ATP2B3: variants seen among roughly 807,000 people sequenced by gnomAD.
The protein encoded by ATP2B3 is plasma membrane calcium-transporting ATPase 3.
A neutral mutation model predicts 70.8 loss-of-function variants in ATP2B3; 12 were observed. The ratio of observed to expected loss-of-function variants is 0.17; its 90% CI spans 0.11 to 0.27. The LOEUF (loss-of-function observed/expected upper bound fraction) is 0.27. ATP2B3 is among the 10% of genes least tolerant of loss of function. The pLI is 1.00. For synonymous variants in ATP2B3, 460 were observed against 497.8 expected, an observed-to-expected ratio of 0.92 and a Z score of 1.01; for missense variants, 858 against 1,118.5, an observed-to-expected ratio of 0.77 and a Z score of 3.32.
intron 20 of ATP2B3, among the ~76,000 whole-genome samples, chrX:153,564,421 G>A (rs868941083): frequency 8.9e-6 from 1 of 112,675 alleles, no homozygotes; most frequent in Non-Finnish European, 1.9e-5. Flanking sequence ...TGTAGCCTAC[G>A]GGGCACGGTC....
chrX:153,568,151 G>A (rs1288712930), intron 21 of ATP2B3, among the ~76,000 whole-genome samples: 2 of 111,932 alleles, frequency 1.8e-5, no homozygotes, highest in African/African-American at 3.3e-5. Flanking sequence ...ACATATCAAC[G>A]CACCAGATGG....
chrX:153,549,198 T>TGTGGGGTG (rs1233863392), intron 10 of ATP2B3, among the ~76,000 whole-genome samples: 27 of 9,584 alleles, frequency 2.8e-3, no homozygotes, highest in African/African-American at 7.7e-3. Context: ...GGGAGCCAGG[T>TGTGGGGTG]GTGGGGTGGT....
Position 153,564,905 on chromosome X carries a change from C to A in ATP2B3, c.3160-16C>A. On this transcript the variant is annotated splice_polypyrimidine_tract_variant and intron_variant, in intron 20 of 21. Coordinates refer to ENST00000263519, the MANE Select transcript of ATP2B3 (RefSeq NM_001001344.3). The stretch of plus-strand genomic sequence containing the variant: ...TCAGCCTGGCTCTCACGGCCACTTC[C>A]GTGTGGCTCCCCCAGGTCATTGCCA... The A allele has an allele frequency of 8.6e-7, 1 of 1,168,390 alleles. No homozygotes were observed. Among genetic ancestry groups the A allele is most frequent in the East Asian group, 3.1e-5 (1 of 32,066 alleles).
intron 21 of ATP2B3, chrX:153,569,946 G>A (rs1603121726): frequency 6.3e-6 from 3 of 473,934 alleles, no homozygotes; most frequent in East Asian, 7.6e-5. Context: ...TTTATGAAAC[G>A]TATTCAACCC....
chrX:153,559,045 G>C (rs993642242), intron 17 of ATP2B3, among the ~76,000 whole-genome samples: 1 of 1,544 alleles, frequency 6.5e-4, no homozygotes, highest in Non-Finnish European at 0.011. Flanking sequence ...TTTTTAAATT[G>C]AGATAAAAAA....
chrX:153,529,071 C>G (rs1260523758), intron 2 of ATP2B3, among the ~76,000 whole-genome samples: 1 of 112,820 alleles, frequency 8.9e-6, no homozygotes, highest in East Asian at 2.8e-4. Flanking sequence ...CCTCAAGACA[C>G]ATTTGAGAAG....
At chrX:153,537,098 C>T (rs782065480) in intron 3 of ATP2B3, among the ~76,000 whole-genome samples, 2 of 112,919 alleles carry the variant, frequency 1.8e-5, no homozygotes, top group African/African-American at 6.4e-5. Context: ...CTAGAAAGCC[C>T]GGTGAGCACT....
At chrX:153,565,852 C>A (rs1603113727) in intron 21 of ATP2B3, among the ~76,000 whole-genome samples, 2 of 112,727 alleles carry the variant, frequency 1.8e-5, no homozygotes, top group Non-Finnish European at 3.8e-5. Context: ...AGAAACGGCG[C>A]TCGCCTAGGC....
intron 12 of ATP2B3, among the ~76,000 whole-genome samples, chrX:153,552,236 T>C (rs1557011789): frequency 8.9e-6 from 1 of 112,720 alleles, no homozygotes; most frequent in East Asian, 2.8e-4. Context: ...CCTGGTGGCA[T>C]GGAGATCACA....
chrX:153,525,043 AG>A (rs782096187), intron 2 of ATP2B3, among the ~76,000 whole-genome samples: 11 of 111,953 alleles, frequency 9.8e-5, no homozygotes, highest in Non-Finnish European at 2.1e-4. Context: ...TCCTGAGTGA[AG>A]GCCCCCAGCT....
rs141987032 is a variant in ATP2B3 at position 153,541,507 on chromosome X, C to T, written c.357C>T (p.Ile119=). The T allele has an allele frequency of 5.5e-5, 67 of 1,209,909 alleles. No individual in the cohort carries two copies. Among genetic ancestry groups the T allele is most frequent in the Non-Finnish European group, 7.4e-5 (66 of 895,192 alleles). ...TCATCATCCTGGAGGTGGCTGCCAT[C>T]GTCTCTCTGGGCCTCTCGTTCTATG... ...VTLIILEVAA[I]VSLGLSFYAP... is the part of the protein sequence containing the mutation. Residue 119 remains isoleucine (I), a synonymous_variant, in exon 4 of 22, where the codon ATC becomes ATT. Transcript: ENST00000263519.
intron 21 of ATP2B3, among the ~76,000 whole-genome samples, chrX:153,568,308 C>G (rs2090739707): frequency 1.8e-5 from 2 of 111,770 alleles, no homozygotes; most frequent in African/African-American, 6.5e-5. Context: ...CCCGGCTCAG[C>G]TCTTGGGCTT....
chrX:153,543,228 T>C, intron 7 of ATP2B3, 60 bp downstream of exon 7: 1 of 1,153,978 alleles, frequency 8.7e-7, no homozygotes, highest in Non-Finnish European at 1.2e-6. Context: ...CGCTGCCCAT[T>C]CTTTCTTTGC....
intron 2 of ATP2B3, among the ~76,000 whole-genome samples, chrX:153,518,892 G>A (rs1556997019): frequency 8.9e-6 from 1 of 112,133 alleles, no homozygotes; most frequent in African/African-American, 3.2e-5. Context: ...CCTCAAAGGA[G>A]TCCCTGCCTG....
intron 2 of ATP2B3, among the ~76,000 whole-genome samples, chrX:153,531,905 G>C (rs1253836705): frequency 8.9e-6 from 1 of 111,966 alleles, no homozygotes; most frequent in Non-Finnish European, 1.9e-5. Flanking sequence ...GACGGTGGTG[G>C]GATCTCGCCC....
chrX:153,529,459 G>A (rs781842328), intron 2 of ATP2B3, among the ~76,000 whole-genome samples: 8 of 112,029 alleles, frequency 7.1e-5, no homozygotes, highest in Non-Finnish European at 1.1e-4. Context: ...ATCACGGCGT[G>A]TGGCTTGGGC....
Position 153,559,923 on chromosome X carries a change from C to T in ATP2B3, c.2820C>T (p.Ile940=), listed in dbSNP as rs782134458. 4 of 1,210,659 alleles carry T rather than the reference C, an allele frequency of 3.3e-6. No homozygotes were observed. The highest frequency in any genetic ancestry group is 5.9e-5 in the East Asian group (2 of 33,795). The change falls in exon 18 of 22, where the codon ATC becomes ATT. Residue 940 remains isoleucine, a synonymous_variant. Coordinates refer to ENST00000263519, the MANE Select transcript of ATP2B3 (RefSeq NM_001001344.3). The part of the protein sequence containing the change: ...LGHAVYQLAI[I]FTLLFVGELF... ...ACGCCGTGTACCAGCTCGCCATCAT[C>T]TTCACCCTGCTGTTTGTCGGTAGGC...
intron 14 of ATP2B3, 28 bp downstream of exon 14, chrX:153,556,256 A>ACCCCCCTTCTCCTCACCCCAGC: frequency 5.8e-6 from 7 of 1,197,982 alleles, no homozygotes; most frequent in Non-Finnish European, 7.9e-6. Context: ...GCCACCCCAG[A>ACCCCCCTTCTCCTCACCCCAGC]CCCCCCTTCT....
At chrX:153,577,479 C>T (rs2090872061) in intron 21 of ATP2B3, among the ~76,000 whole-genome samples, 1 of 112,759 alleles carries the variant, frequency 8.9e-6, no homozygotes, top group Non-Finnish European at 1.9e-5. Context: ...ACAGCTTTAG[C>T]AGGCGATGTC....
Sources: allele counts gnomAD v4.1 joint callset (sites outside exome capture counted in the v4.1 genomes callset), GRCh38; gene constraint gnomAD v4.1.1; transcripts MANE v1.5; gene names NCBI Gene and HGNC (gene_info 2026-07-23, HGNC 2026-07-21).